RP1: variants seen among roughly 807,000 people sequenced by gnomAD.
The protein encoded by RP1 is RP1 axonemal microtubule associated, also known as oxygen-regulated protein 1.
A neutral mutation model predicts 14.8 loss-of-function variants in RP1; 16 were observed. The observed-to-expected ratio is 1.08, with a 90% CI of 0.73 to 1.65. The LOEUF is 1.65. Among genes scored for constraint, RP1 ranks in the 40% most tolerant of loss-of-function variants. The pLI is 0.00. For synonymous variants in RP1, 876 were observed against 883.6 expected (o/e 0.99, Z 0.15); for missense variants, 2,631 against 2,535.0 (o/e 1.04, Z -0.81).
downstream of RP1, among the ~76,000 whole-genome samples, chr8:54,772,369 A>G (rs1227136683): frequency 6.6e-6 from 1 of 151,974 alleles, no homozygotes; most frequent in East Asian, 1.9e-4. Context: ...TATAATAAAA[A>G]ATAAGTTTAA....
At chr8:54,857,594 T>C (rs16920850) in intron 27 of RP1, among the ~76,000 whole-genome samples, 2,120 of 152,124 alleles carry the variant, frequency 0.014, 42 homozygotes, top group African/African-American at 0.048. Context: ...AGCACATGAT[T>C]ATATTACACA....
chr8:54,802,843 C>A (rs995662194), intron 24 of RP1, among the ~76,000 whole-genome samples: 1 of 152,170 alleles, frequency 6.6e-6, no homozygotes, highest in Non-Finnish European at 1.5e-5. Flanking sequence ...GAGAAAGGAT[C>A]TACAGTTCTC....
In RP1 at chr8:54,626,160, A is replaced by C. The variant is rs1806039261; in HGVS notation, c.2278A>C (p.Asn760His). The part of the protein sequence containing the change: ...NSTISKNFHR[N>H]KLNTTQNSKV... ...CACGATTTCCAAGAATTTCCATAGAAATAAATTAAATACTACTCAAAATTC... is the reference window on the plus strand; with the variant it reads ...CACGATTTCCAAGAATTTCCATAGACATAAATTAAATACTACTCAAAATTC... Residue 760 changes from asparagine (N) to histidine (H), a missense_variant, in exon 4 of 4, where the codon AAT (asparagine) becomes CAT (histidine). Asn to His is a moderately conservative substitution (Grantham distance 68). Coordinates refer to ENST00000220676, the MANE Select transcript of RP1 (RefSeq NM_006269.2). The C allele has an allele frequency of 6.2e-7, 1 of 1,612,286 alleles. No homozygotes were observed. The highest frequency in any genetic ancestry group is 8.5e-7 in the Non-Finnish European group (1 of 1,179,058).
chr8:54,582,610 C>T (rs952808036), intron 1 of RP1, among the ~76,000 whole-genome samples: 42 of 152,210 alleles, frequency 2.8e-4, no homozygotes, highest in African/African-American at 9.2e-4. Flanking sequence ...GCCATTTTCA[C>T]GATATTGATT....
chr8:54,847,228 T>A (rs1811944939), intron 25 of RP1, among the ~76,000 whole-genome samples: 1 of 152,190 alleles, frequency 6.6e-6, no homozygotes, highest in Non-Finnish European at 1.5e-5. Flanking sequence ...TCAAAAACTC[T>A]TACAATGAAT....
chr8:54,700,165 A>G (rs1807978120), intron 13 of RP1, among the ~76,000 whole-genome samples: 1 of 152,078 alleles, frequency 6.6e-6, no homozygotes, highest in Admixed American at 6.6e-5. Flanking sequence ...AGGCAGTCTG[A>G]CACTAACACC....
chr8:54,748,691 G>C (rs1809286085), intron 19 of RP1, among the ~76,000 whole-genome samples: 1 of 152,136 alleles, frequency 6.6e-6, no homozygotes, highest in Non-Finnish European at 1.5e-5. Flanking sequence ...AAATACTAAT[G>C]ACTGACATGA....
intron 1 of RP1, among the ~76,000 whole-genome samples, chr8:54,571,450 C>T (rs543518106): frequency 5.4e-4 from 82 of 152,322 alleles, no homozygotes; most frequent in African/African-American, 1.9e-3. Flanking sequence ...GATGTGGCCC[C>T]TCCTTCCCAT....
chr8:54,826,490 G>A (rs1164971569), intron 24 of RP1, among the ~76,000 whole-genome samples: 1 of 152,126 alleles, frequency 6.6e-6, no homozygotes. Flanking sequence ...GATACAAGTT[G>A]TTTCAGTTTT....
chr8:54,836,698 C>T lies in RP1; in HGVS notation c.3616-752C>T, dbSNP rs566513556. Among the ~76,000 whole-genome samples the T allele has an allele frequency of 2.2e-4, 34 of 152,274 alleles. 1 individual carries two copies. The highest frequency in any genetic ancestry group is 6.2e-4 in the South Asian group (3 of 4,814). On this transcript the variant is annotated intron_variant, in intron 24 of 28. Transcript: ENST00000637698. ...TCCAGCCCACCCAGTGCCTTGATCT[C>T]AGACTGGGTGGTCTTAAGTAGAGGC...
At position 54,595,189 on chromosome 8, in the gene RP1, G is replaced by A. The variant is rs189552110; in HGVS notation, c.-12-25766G>A. On this transcript the variant is annotated intron_variant, in intron 1 of 22. Transcript: ENST00000636932. ...CTGTTGCCCAGGGTGGAGTGCAGTC[G>A]CGCGATCTCAGCTCACTGCAAGCTC... 1.1e-4 allele frequency among the ~76,000 whole-genome samples: 17 copies of A among 149,114 alleles called. No homozygotes were observed. The East Asian group carries it at 2.6e-3, about 23-fold the overall frequency.
At position 54,855,001 on chromosome 8, in the gene RP1, C is replaced by T. The variant is rs555546488; in HGVS notation, c.3991-2027C>T. Among the ~76,000 whole-genome samples the T allele has an allele frequency of 5.3e-5, 8 of 152,192 alleles. No homozygotes were observed. In the East Asian group the frequency reaches 1.4e-3, roughly 26 times the overall value. ...CACATTATTGTGTAAGCATGACTAC[C>T]GTCCATCTCCAGAACTCTTTTCATT... On this transcript the variant is annotated intron_variant, in intron 26 of 28. Transcript: ENST00000637698.
chr8:54,856,456 A>G (rs943981251), intron 26 of RP1, among the ~76,000 whole-genome samples: 6 of 152,196 alleles, frequency 3.9e-5, no homozygotes, highest in African/African-American at 1.2e-4. Flanking sequence ...ATGTACATAT[A>G]CATATTTCAA....
chr8:54,774,511 C>A (rs74748968), downstream of RP1, among the ~76,000 whole-genome samples: 2 of 152,206 alleles, frequency 1.3e-5, no homozygotes, highest in Non-Finnish European at 2.9e-5. Flanking sequence ...GTTGCTGTGA[C>A]TTACTGTTTG....
At chr8:54,764,183 A>G (rs896471807) in intron 22 of RP1, among the ~76,000 whole-genome samples, 1 of 152,192 alleles carries the variant, frequency 6.6e-6, no homozygotes, top group African/African-American at 2.4e-5. Flanking sequence ...GGCAAGGCAA[A>G]CTAAAGGCCT....
intron 24 of RP1, among the ~76,000 whole-genome samples, chr8:54,796,415 A>T (rs1810578264): frequency 1.3e-5 from 2 of 152,278 alleles, no homozygotes; most frequent in African/African-American, 4.8e-5. Flanking sequence ...GTTCCTCTAG[A>T]AGATATGTTG....
At chr8:54,739,718 T>TAC (rs1809024343) in intron 19 of RP1, among the ~76,000 whole-genome samples, 1 of 151,928 alleles carries the variant, frequency 6.6e-6, no homozygotes, top group African/African-American at 2.4e-5. Flanking sequence ...TATAGATACA[T>TAC]ACACACACAC....
At chr8:54,720,110 C>T (rs866829587) in intron 15 of RP1, 1 of 1,465,710 alleles carries the variant, frequency 6.8e-7, no homozygotes. Flanking sequence ...TTTATTGAAT[C>T]ATTTTGTATT....
Position 54,629,008 on chromosome 8 carries a change from T to C in RP1, c.5126T>C (p.Val1709Ala). ...ERQDKCDVSA[V>A]RDNYCRGDIV... The stretch of plus-strand genomic sequence containing the variant: ...CAAGATAAGTGTGATGTTAGTGCTG[T>C]GAGGGACAATTATTGTAGGGGTGAC... The change falls in exon 4 of 4, where the codon GTG (valine) becomes GCG (alanine). Residue 1709 changes from valine to alanine, a missense_variant. Transcript: ENST00000220676. The C allele has an allele frequency of 6.2e-7, 1 of 1,614,028 alleles. No homozygotes were observed.
Sources: gnomAD v4.1 joint callset for allele counts (sites outside exome capture counted in the v4.1 genomes callset) on GRCh38, gnomAD v4.1.1 for gene constraint, MANE v1.5 for transcripts, NCBI Gene and HGNC (gene_info 2026-07-23, HGNC 2026-07-21) for gene names.